Variants in SLCO3A1 observed in about 807,000 individuals in gnomAD.
The protein encoded by SLCO3A1 is solute carrier organic anion transporter family member 3A1.
In SLCO3A1, 27 loss-of-function variants were observed where a neutral mutation model predicts 63.1. The observed-to-expected ratio is 0.43, with a 90% confidence interval of 0.32 to 0.59. SLCO3A1 has a LOEUF of 0.59. Ranked by LOEUF, SLCO3A1 falls within the 20% of genes least tolerant of loss-of-function variation. SLCO3A1 has a pLI of 0.09. For missense variants in SLCO3A1, 773 were observed against 945.8 expected, an observed-to-expected ratio of 0.82 and a Z score of 2.40; for synonymous variants, 473 against 409.9, an observed-to-expected ratio of 1.15 and a Z score of -1.86.
intron 2 of SLCO3A1, among the ~76,000 whole-genome samples, chr15:92,017,816 G>A (rs2046456470): frequency 1.3e-5 from 2 of 152,260 alleles, no homozygotes; most frequent in South Asian, 4.1e-4. Context: ...TTGGGTGGTG[G>A]GGGTTGCTCC....
chr15:91,879,181 T>C (rs1048087449), intron 1 of SLCO3A1, among the ~76,000 whole-genome samples: 1 of 152,222 alleles, frequency 6.6e-6, no homozygotes, highest in African/African-American at 2.4e-5. Context: ...AGAATATCTG[T>C]TGGCATAAGG....
rs2286355 is a variant in SLCO3A1, at chr15:92,094,963, G to T, written c.729G>T (p.Ala243=). The T allele has an allele frequency of 2.6e-5, 41 of 1,607,744 alleles. No individual in the cohort carries two copies. The highest frequency in any genetic ancestry group is 3.3e-4 in the Middle Eastern group (2 of 6,066). The change falls in exon 3 of 10, where the codon GCG becomes GCT. Residue 243 remains alanine (A), a synonymous_variant. Transcript: ENST00000318445. ...TCTGTACCAAAATCTACGTGGATGC[G>T]GTCTTCATTGACACAAGTAAGGAAT... ...GSFCTKIYVD[A]VFIDTSNLDI... is the part of the protein sequence containing the mutation.
intron 2 of SLCO3A1, among the ~76,000 whole-genome samples, chr15:92,069,063 C>T (rs1360625252): frequency 1.3e-5 from 2 of 152,018 alleles, no homozygotes; most frequent in Admixed American, 1.3e-4. Context: ...CTCCATGCTC[C>T]AAATCAGTGC....
intron 3 of SLCO3A1, among the ~76,000 whole-genome samples, chr15:92,099,490 A>C (rs1005148319): frequency 6.6e-6 from 1 of 152,128 alleles, no homozygotes; most frequent in Non-Finnish European, 1.5e-5. Flanking sequence ...AAAGAAGTAA[A>C]TGTCCCCAAC....
At chr15:91,926,133 A>G (rs1468296033) in intron 2 of SLCO3A1, among the ~76,000 whole-genome samples, 1 of 152,208 alleles carries the variant, frequency 6.6e-6, no homozygotes, top group Non-Finnish European at 1.5e-5. Context: ...CCCTGACCCT[A>G]TGCATAAAAT....
rs1897014498 is a variant in SLCO3A1, at chr15:91,860,192, G to A, written c.180+6104G>A. Among the ~76,000 whole-genome samples the A allele has an allele frequency of 6.6e-6, 1 of 152,172 alleles. No homozygotes were observed. The highest frequency in any genetic ancestry group is 6.5e-5 in the Admixed American group (1 of 15,284). On this transcript the variant is annotated intron_variant, in intron 1 of 9. Coordinates refer to ENST00000318445, the MANE Select transcript of SLCO3A1 (RefSeq NM_013272.4). This position sits in a 1 kb window ranked among gnomAD's most constrained non-coding sequence, Gnocchi z 5.5. ...GGCAGGTACCCTGATGCTTCACTTT[G>A]GGAGGTCCTCAGTATCTCTTGCTGT...
chr15:91,963,246 C>T (rs1230687851), intron 2 of SLCO3A1, among the ~76,000 whole-genome samples: 3 of 152,136 alleles, frequency 2.0e-5, no homozygotes, highest in Admixed American at 1.3e-4. Context: ...GCATTCCAGC[C>T]TTTGTATATG....
intron 1 of SLCO3A1, among the ~76,000 whole-genome samples, chr15:91,888,872 T>C (rs1897794580): frequency 6.6e-6 from 1 of 151,856 alleles, no homozygotes. Context: ...AGCTGGGCAA[T>C]GTGGCACACA....
intron 2 of SLCO3A1, among the ~76,000 whole-genome samples, chr15:92,042,982 A>G (rs2151489053): frequency 6.6e-6 from 1 of 152,280 alleles, no homozygotes; most frequent in Non-Finnish European, 1.5e-5. Flanking sequence ...AGATTCTAGA[A>G]TCAAGATGAC....
At chr15:92,149,444 G>T (rs2048275011) in intron 8 of SLCO3A1, 1 of 152,314 alleles carries the variant, frequency 6.6e-6, no homozygotes, top group African/African-American at 2.4e-5. Context: ...CCTCCCAGAA[G>T]AATGGACCCA....
chr15:92,039,251 G>T (rs1330837614), intron 2 of SLCO3A1, among the ~76,000 whole-genome samples: 1 of 152,140 alleles, frequency 6.6e-6, no homozygotes, highest in Non-Finnish European at 1.5e-5. Flanking sequence ...AAACTAAAGA[G>T]CTTCTGCATA....
intron 2 of SLCO3A1, among the ~76,000 whole-genome samples, chr15:92,001,071 C>G (rs1005487828): frequency 6.6e-6 from 1 of 152,118 alleles, no homozygotes; most frequent in East Asian, 1.9e-4. Context: ...GCTTGCATAC[C>G]TCATTTTCAG....
intron 2 of SLCO3A1, among the ~76,000 whole-genome samples, chr15:91,987,194 A>T (rs1440203628): frequency 2.0e-5 from 3 of 152,102 alleles, no homozygotes; most frequent in African/African-American, 7.2e-5. Context: ...AGGGAACAAA[A>T]CCCAGTTCTT....
chr15:92,064,287 C>T (rs1597275777), intron 2 of SLCO3A1, among the ~76,000 whole-genome samples: 2 of 152,130 alleles, frequency 1.3e-5, no homozygotes, highest in East Asian at 3.9e-4. Flanking sequence ...AATCCAATTA[C>T]TTAGTTTTTT....
chr15:91,970,010 T>C (rs1160226148), intron 2 of SLCO3A1, among the ~76,000 whole-genome samples: 2 of 152,194 alleles, frequency 1.3e-5, no homozygotes, highest in Non-Finnish European at 2.9e-5. Flanking sequence ...GGAAGTGTAG[T>C]GTTTTTTCCC....
intron 4 of SLCO3A1, among the ~76,000 whole-genome samples, chr15:92,107,575 A>T (rs764587507): frequency 2.0e-5 from 3 of 152,210 alleles, no homozygotes; most frequent in Non-Finnish European, 4.4e-5. Flanking sequence ...ACGGCGTTGC[A>T]TGTATACATA....
At chr15:92,065,950 A>G (rs1056103096) in intron 2 of SLCO3A1, among the ~76,000 whole-genome samples, 11 of 152,226 alleles carry the variant, frequency 7.2e-5, no homozygotes, top group Non-Finnish European at 1.6e-4. Context: ...CACGGCTCAG[A>G]GGCCAGGAAG....
chr15:92,042,083 C>G (rs1018500440), intron 2 of SLCO3A1, among the ~76,000 whole-genome samples: 1 of 152,182 alleles, frequency 6.6e-6, no homozygotes, highest in Non-Finnish European at 1.5e-5. Flanking sequence ...CTCTGGGGTT[C>G]TTTAATGGCG....
intron 2 of SLCO3A1, among the ~76,000 whole-genome samples, chr15:91,935,018 A>G (rs1899358729): frequency 1.3e-5 from 2 of 152,126 alleles, no homozygotes; most frequent in Admixed American, 1.3e-4. Flanking sequence ...CAGTGGCGCC[A>G]TCTTGGCTCA....
Sources: allele counts gnomAD v4.1 joint callset (sites outside exome capture counted in the v4.1 genomes callset), GRCh38; gene constraint gnomAD v4.1.1; non-coding constraint Gnocchi (gnomAD v3.1); transcripts MANE v1.5; gene names NCBI Gene and HGNC (gene_info 2026-07-23, HGNC 2026-07-21).